Variants in PDXDC1 observed in about 807,000 individuals in gnomAD.
PDXDC1 encodes the protein pyridoxal dependent decarboxylase domain containing 1.
PDXDC1 carries 42 observed loss-of-function variants against 100.1 expected under a neutral mutation model. The observed-to-expected ratio is 0.42, with a 90% CI of 0.33 to 0.54. The LOEUF (loss-of-function observed/expected upper bound fraction) is 0.54, where lower values mean the gene tolerates loss of function less well. Among genes scored for constraint, PDXDC1 ranks in the 20% least tolerant of loss-of-function variants. PDXDC1 has a pLI of 0.10. For missense variants in PDXDC1, 636 were observed against 979.2 expected (o/e 0.65, Z 4.68); for synonymous variants, 260 against 371.7 (o/e 0.70, Z 3.46).
intron 16 of PDXDC1, among the ~76,000 whole-genome samples, chr16:15,030,756 C>T (rs1174204131): frequency 6.6e-6 from 1 of 151,176 alleles, no homozygotes; most frequent in African/African-American, 2.4e-5. Context: ...CTAATTTTTG[C>T]ATTTTTTGTA....
In PDXDC1 at chr16:15,038,245, A is replaced by C; in HGVS notation, c.*1970A>C. 6.6e-7 allele frequency: 1 copy of C among 1,508,800 alleles called. No homozygotes were observed. Among genetic ancestry groups the C allele is most frequent in the Non-Finnish European group, 9.2e-7 (1 of 1,088,546 alleles). 93.5% of individuals were successfully genotyped at this position (1,508,800 alleles called of 1,614,324 possible). On this transcript the variant is annotated 3_prime_UTR_variant, in exon 23 of 23. Transcript: ENST00000396410. ...CAAGATGGTGGGCATTAGAGAAGCC[A>C]ACCTTACTGTCCCCTGCTGTGATAA...
intron 16 of PDXDC1, among the ~76,000 whole-genome samples, chr16:15,078,371 C>G (rs1315160008): frequency 2.0e-5 from 3 of 152,112 alleles, no homozygotes; most frequent in Non-Finnish European, 2.9e-5. Context: ...TCCATCCCCT[C>G]CTTCCACCAC....
intron 16 of PDXDC1, among the ~76,000 whole-genome samples, chr16:15,056,464 T>C (rs947070603): frequency 6.6e-6 from 1 of 152,194 alleles, no homozygotes. Flanking sequence ...TCCGTAGGAT[T>C]GCATTCAATG....
At position 15,072,204 on chromosome 16, in the gene PDXDC1, C is replaced by T. The variant is rs562925184; in HGVS notation, c.1399+42148C>T. The stretch of plus-strand genomic sequence containing the variant: ...CCTGATCTCTAGGAAGCCACAAAAT[C>T]GTTGCAGAGAAGGAAAAGCCTTCTA... On this transcript the variant is annotated intron_variant, in intron 16 of 16. Transcript: ENST00000535621. Among the ~76,000 whole-genome samples the T allele has an allele frequency of 5.7e-3, 845 of 148,246 alleles. 7 individuals are homozygous for T. The highest frequency in any genetic ancestry group is 0.013 in the African/African-American group (511 of 39,958).
intron 16 of PDXDC1, chr16:15,104,676 C>G: frequency 6.3e-7 from 1 of 1,597,644 alleles, no homozygotes; most frequent in Non-Finnish European, 8.5e-7. Context: ...GTGGCCCATC[C>G]TGTTTTTTAA....
At chr16:15,072,646 T>C (rs1042263288) in intron 16 of PDXDC1, among the ~76,000 whole-genome samples, 1 of 151,918 alleles carries the variant, frequency 6.6e-6, no homozygotes, top group African/African-American at 2.4e-5. Context: ...CTTCTAAAAA[T>C]ACAAAAATTA....
intron 16 of PDXDC1, chr16:15,133,184 A>G (rs1334573051): frequency 9.7e-7 from 1 of 1,025,966 alleles, no homozygotes; most frequent in Non-Finnish European, 1.5e-6. Context: ...AGCCCTCCGC[A>G]AAGCTCCAGG....
At position 15,038,322 on chromosome 16, in the gene PDXDC1, TTAAG is replaced by T. The variant is rs1353812411; in HGVS notation, c.*2048_*2051del. ...ACACAAATATATATAATAAAATACG[TTAAG>T]AAATGAGGTGGCCTGAATTAGTAAG... On this transcript the variant is annotated 3_prime_UTR_variant, in exon 23 of 23. Coordinates refer to ENST00000396410, the MANE Select transcript of PDXDC1 (RefSeq NM_015027.4). The T allele has an allele frequency of 1.0e-5, 8 of 795,598 alleles. No homozygotes were observed. The highest frequency in any genetic ancestry group is 1.6e-5 in the Non-Finnish European group (8 of 507,850). The allele number at this position is 795,598 out of a possible 1,614,324, so 49.3% of individuals were successfully genotyped here.
the PDXDC1 span, among the ~76,000 whole-genome samples, chr16:15,146,386 G>A: frequency 5.9e-5 from 9 of 152,198 alleles, no homozygotes; most frequent in South Asian, 4.1e-4. Flanking sequence ...GGCACTGAGC[G>A]GAACTCAGGC....
At chr16:15,133,050 C>G in intron 16 of PDXDC1, 3 of 760,128 alleles carry the variant, frequency 3.9e-6, no homozygotes, top group Non-Finnish European at 6.3e-6. Flanking sequence ...CATGGGCCCT[C>G]CTGGGCGGGG....
chr16:15,124,216 G>C (rs1273998565), intron 16 of PDXDC1, among the ~76,000 whole-genome samples: 1 of 152,130 alleles, frequency 6.6e-6, no homozygotes. Context: ...CCAGGGGCCT[G>C]GTGACCAGGA....
intron 16 of PDXDC1, among the ~76,000 whole-genome samples, chr16:15,065,755 A>G (rs1423741223): frequency 1.3e-5 from 2 of 152,146 alleles, no homozygotes; most frequent in Non-Finnish European, 2.9e-5. Context: ...TTGCAAAAGA[A>G]TTAGAAGGTT....
At chr16:14,998,089 ATT>A (rs1247520359) in intron 2 of PDXDC1, among the ~76,000 whole-genome samples, 21 of 152,272 alleles carry the variant, frequency 1.4e-4, no homozygotes, top group African/African-American at 5.1e-4. Flanking sequence ...ATAAATACTT[ATT>A]ATATATTCAG....
chr16:15,093,960 G>T, intron 16 of PDXDC1: 1 of 624,696 alleles, frequency 1.6e-6, no homozygotes, highest in Non-Finnish European at 2.9e-6. Context: ...ACTTTTCCAG[G>T]CCCCACCCAT....
At chr16:15,083,742 G>A in intron 16 of PDXDC1, 2 of 956,212 alleles carry the variant, frequency 2.1e-6, no homozygotes, top group Non-Finnish European at 3.0e-6. Context: ...TTGAGACGGA[G>A]TTTCGCTCTT....
intron 16 of PDXDC1, chr16:15,135,703 C>G (rs1023607772): frequency 1.1e-5 from 17 of 1,596,092 alleles, no homozygotes; most frequent in Non-Finnish European, 1.4e-5. Context: ...GGTCGCCATC[C>G]TCCAGGTTGG....
At chr16:14,997,667 T>C (rs1972277989) in intron 1 of PDXDC1, 86 bp from the exon 2 acceptor site, 1 of 1,354,614 alleles carries the variant, frequency 7.4e-7, no homozygotes, top group Admixed American at 2.6e-5. Flanking sequence ...CAGAAGAAAT[T>C]ATGCACTTAA....
chr16:15,103,467 T>C (rs1445755243), intron 16 of PDXDC1: 15 of 623,870 alleles, frequency 2.4e-5, no homozygotes, highest in Non-Finnish European at 3.4e-5. Flanking sequence ...CAAGTCTCTA[T>C]AGACCACCCC....
intron 1 of PDXDC1, among the ~76,000 whole-genome samples, chr16:14,982,166 T>C (rs1441947696): frequency 3.9e-5 from 6 of 152,298 alleles, no homozygotes; most frequent in Non-Finnish European, 8.8e-5. Context: ...TTACACCTTA[T>C]ACAGTACTTG....
Sources: gnomAD v4.1 joint callset for allele counts (sites outside exome capture counted in the v4.1 genomes callset) on GRCh38, gnomAD v4.1.1 for gene constraint, MANE v1.5 for transcripts, NCBI Gene and HGNC (gene_info 2026-07-23, HGNC 2026-07-21) for gene names.